Variants in ABCC9 observed in about 807,000 individuals in gnomAD.
ABCC9 encodes ATP-binding cassette sub-family C member 9.
ABCC9 carries 95 observed loss-of-function variants against 188.3 expected under a neutral mutation model. That is an observed-to-expected ratio of 0.50 (90% CI 0.43 to 0.60). The LOEUF (loss-of-function observed/expected upper bound fraction) is 0.60, where lower values mean the gene tolerates loss of function less well. Ranked by LOEUF, ABCC9 falls within the 20% of genes least tolerant of loss-of-function variation. The pLI is 0.00. For synonymous variants in ABCC9, 659 were observed against 652.7 expected, an observed-to-expected ratio of 1.01 and a Z score of -0.15; for missense variants, 1,102 against 1,876.3, an observed-to-expected ratio of 0.59 and a Z score of 7.62.
At chr12:21,828,193 C>T (rs1297360610) in intron 31 of ABCC9, among the ~76,000 whole-genome samples, 2 of 152,218 alleles carry the variant, frequency 1.3e-5, no homozygotes. Flanking sequence ...ATCGCACAGA[C>T]TACAAACTAT....
In ABCC9 at chr12:21,842,098, A is replaced by G. The variant is rs75483536; in HGVS notation, c.3473+216T>C. Among the ~76,000 whole-genome samples the G allele has an allele frequency of 0.025, 3,761 of 152,302 alleles. 144 individuals carry two copies. Among genetic ancestry groups the G allele is most frequent in the African/African-American group, 0.086 (3,552 of 41,540 alleles). ...ACTTTAAATCATCTGTATGTTACTT[A>G]TTCTACCTAATTCAATGGCAACACA... On this transcript the variant is annotated intron_variant, in intron 29 of 39. Coordinates refer to ENST00000261200, the MANE Select transcript of ABCC9 (RefSeq NM_020297.4).
intron 37 of ABCC9, among the ~76,000 whole-genome samples, chr12:21,808,478 T>G (rs1019269761): frequency 6.6e-6 from 1 of 152,150 alleles, no homozygotes; most frequent in African/African-American, 2.4e-5. Context: ...TGAAGAGGAC[T>G]AGAAAGATGC....
intron 12 of ABCC9, among the ~76,000 whole-genome samples, chr12:21,897,699 C>T (rs1031366766): frequency 6.6e-5 from 10 of 152,110 alleles, no homozygotes; most frequent in African/African-American, 1.9e-4. Flanking sequence ...TTGTACTGAA[C>T]AAAATAATAA....
chr12:21,923,311 C>G (rs1338490133), intron 5 of ABCC9: 1 of 150,886 alleles, frequency 6.6e-6, no homozygotes, highest in Non-Finnish European at 1.5e-5. Context: ...AATTTAAAAT[C>G]TTCTGCTCAT....
chr12:21,890,671 G>C (rs981413300), intron 14 of ABCC9, among the ~76,000 whole-genome samples: 21 of 152,096 alleles, frequency 1.4e-4, no homozygotes, highest in Non-Finnish European at 2.8e-4. Flanking sequence ...TCCTTTGTAC[G>C]GACATGGATG....
chr12:21,851,680 A>G (rs1462754823), intron 24 of ABCC9, among the ~76,000 whole-genome samples: 2 of 152,154 alleles, frequency 1.3e-5, no homozygotes, highest in Non-Finnish European at 2.9e-5. Flanking sequence ...CTTCAAGATC[A>G]CCTTGGCTTT....
chr12:21,881,384 A>G (rs1946608871), intron 16 of ABCC9, among the ~76,000 whole-genome samples: 1 of 152,244 alleles, frequency 6.6e-6, no homozygotes, highest in African/African-American at 2.4e-5. Flanking sequence ...GAAGCACAGC[A>G]AAGTCAAAGC....
intron 22 of ABCC9, among the ~76,000 whole-genome samples, chr12:21,853,603 T>G (rs1945077828): frequency 6.6e-6 from 1 of 152,158 alleles, no homozygotes; most frequent in African/African-American, 2.4e-5. Context: ...CTTTTTTTGT[T>G]GATGATATCA....
intron 8 of ABCC9, among the ~76,000 whole-genome samples, chr12:21,911,673 A>G (rs968528157): frequency 3.9e-5 from 6 of 152,028 alleles, no homozygotes; most frequent in Non-Finnish European, 7.4e-5. Flanking sequence ...ACTATTTTCT[A>G]TGATTTAGAC....
At chr12:21,923,796 A>G in intron 5 of ABCC9, 1 of 699,464 alleles carries the variant, frequency 1.4e-6, no homozygotes, top group South Asian at 1.5e-5. Flanking sequence ...AAATAAATGC[A>G]TATAGCCACA....
intron 22 of ABCC9, among the ~76,000 whole-genome samples, chr12:21,856,254 G>A (rs1366187311): frequency 1.3e-5 from 2 of 152,010 alleles, no homozygotes; most frequent in African/African-American, 4.8e-5. Context: ...TATATAATAA[G>A]ATTATGGGGA....
intron 30 of ABCC9, among the ~76,000 whole-genome samples, chr12:21,834,830 G>A (rs1228203087): frequency 8.5e-6 from 1 of 117,052 alleles, no homozygotes; most frequent in African/African-American, 3.0e-5. Context: ...CACACACAGT[G>A]CGCACATGAG....
intron 14 of ABCC9, among the ~76,000 whole-genome samples, chr12:21,893,266 CACT>C (rs1434085751): frequency 6.6e-6 from 1 of 152,138 alleles, no homozygotes; most frequent in Non-Finnish European, 1.5e-5. Context: ...TGGTTGGAAA[CACT>C]ATAGAAGCAT....
At chr12:21,811,828 A>G (rs527878960) in intron 36 of ABCC9, among the ~76,000 whole-genome samples, 14 of 152,288 alleles carry the variant, frequency 9.2e-5, no homozygotes, top group African/African-American at 1.9e-4. Flanking sequence ...AGTGGCTTTT[A>G]TAGAATCAAA....
rs148921606 is a variant in ABCC9, at chr12:21,864,525, G to T, written c.2199-48C>A. Reference sequence around the variant, plus strand: ...TCATTAATTATGAAGTAGAAATATAGAACCAATGTGCATACACGTCAGGTA... The same window carrying T: ...TCATTAATTATGAAGTAGAAATATATAACCAATGTGCATACACGTCAGGTA... On this transcript the variant is annotated intron_variant, in intron 18 of 39. Coordinates refer to ENST00000261200, the MANE Select transcript of ABCC9 (RefSeq NM_020297.4). 1.2e-4 allele frequency: 154 copies of T among 1,312,762 alleles called. 1 individual carries two copies. In the East Asian group the frequency reaches 3.0e-3, roughly 26 times the overall value. The allele number at this position is 1,312,762 out of a possible 1,614,324, so 81.3% of individuals were successfully genotyped here.
At chr12:21,844,410 C>T in intron 28 of ABCC9, 73 bp downstream of exon 28, 5 of 1,265,516 alleles carry the variant, frequency 4.0e-6, no homozygotes, top group Non-Finnish European at 5.8e-6. Context: ...AGGAATTATA[C>T]TTTATCTTAA....
At chr12:21,812,511 A>G (rs947968231) in intron 35 of ABCC9, among the ~76,000 whole-genome samples, 2 of 152,204 alleles carry the variant, frequency 1.3e-5, no homozygotes, top group Non-Finnish European at 2.9e-5. Flanking sequence ...ATGGAATACT[A>G]TGCAGCCATC....
At position 21,936,582 on chromosome 12, in the gene ABCC9, C is replaced by G; in HGVS notation, c.93G>C (p.Leu31=). The change falls in exon 3 of 40, where the codon CTG becomes CTC. Residue 31 remains leucine, a synonymous_variant. Coordinates refer to ENST00000261200, the MANE Select transcript of ABCC9 (RefSeq NM_020297.4). ...TAAACAACAGAAAGACATGAGGGAC[C>G]AGGTTGAGGGCATCCACAAAGCAGG... The part of the protein sequence containing the change: ...QNSCFVDALN[L]VPHVFLLFIT... The G allele has an allele frequency of 6.2e-7, 1 of 1,612,926 alleles. No individual in the cohort carries two copies. The highest frequency in any genetic ancestry group is 8.5e-7 in the Non-Finnish European group (1 of 1,179,340).
intron 32 of ABCC9, 95 bp downstream of exon 32, chr12:21,818,055 T>A: frequency 1.4e-6 from 1 of 693,068 alleles, no homozygotes; most frequent in Non-Finnish European, 2.4e-6. Flanking sequence ...TTCCCCTCTC[T>A]GTGCTCATGT....
Sources: allele counts gnomAD v4.1 joint callset (sites outside exome capture counted in the v4.1 genomes callset), GRCh38; gene constraint gnomAD v4.1.1; transcripts MANE v1.5; gene names NCBI Gene and HGNC (gene_info 2026-07-23, HGNC 2026-07-21).